CRYBG3: variants seen among roughly 807,000 people sequenced by gnomAD.
CRYBG3 encodes the protein crystallin beta-gamma domain containing 3.
A neutral mutation model predicts 244.2 loss-of-function variants in CRYBG3; 127 were observed. The observed-to-expected ratio is 0.52, with a 90% CI of 0.45 to 0.60. The LOEUF is 0.60. Among genes scored for constraint, CRYBG3 ranks in the 20% least tolerant of loss-of-function variants. The pLI, the probability that CRYBG3 is intolerant of heterozygous loss-of-function variation, is 0.00. For synonymous variants in CRYBG3, 1,132 were observed against 1,195.8 expected, an observed-to-expected ratio of 0.95 and a Z score of 1.10; for missense variants, 3,325 against 3,442.5, an observed-to-expected ratio of 0.97 and a Z score of 0.85.
rs145451546 is a variant in CRYBG3 at position 97,856,790 on chromosome 3, G to T, written c.217-7427G>T. ...CCTTTTTCAATTCTGATTTTACTTGGGTCTTTTCTTTTTTCTTAGTCTGAC... is the reference window on the plus strand; with the variant it reads ...CCTTTTTCAATTCTGATTTTACTTGTGTCTTTTCTTTTTTCTTAGTCTGAC... On this transcript the variant is annotated intron_variant, in intron 2 of 21. Transcript: ENST00000389622. Among the ~76,000 whole-genome samples, 9 of 151,296 alleles carry T rather than the reference G, an allele frequency of 5.9e-5. 1 individual carries two copies. Among genetic ancestry groups the T allele is most frequent in the African/African-American group, 2.2e-4 (9 of 41,260 alleles).
Position 97,899,191 on chromosome 3 carries a change from A to C in CRYBG3, c.7899A>C (p.Lys2633Asn), listed in dbSNP as rs757148490. ...FFCGEQYILEKGKYKCFFDWG... is the reference protein window; with the variant it reads ...FFCGEQYILENGKYKCFFDWG... ...GTGGAGAACAATACATTTTAGAAAA[A>C]GGGAAATACAAATGCTTTTTTGACT... Residue 2633 changes from lysine to asparagine, a missense_variant, in exon 14 of 22, where the codon AAA (lysine) becomes AAC (asparagine). By Grantham distance (94) the Lys-to-Asn change is moderately conservative. Around this residue, in one of 4 missense-constraint regions of CRYBG3, gnomAD observed 714 missense variants for 803.6 expected, o/e 0.89. Transcript: ENST00000389622. The C allele has an allele frequency of 6.2e-7, 1 of 1,613,768 alleles. No individual in the cohort carries two copies. The highest frequency in any genetic ancestry group is 1.7e-5 in the Admixed American group (1 of 59,986).
At chr3:97,887,589 T>TA (rs1222609915) in intron 8 of CRYBG3, among the ~76,000 whole-genome samples, 2 of 151,862 alleles carry the variant, frequency 1.3e-5, no homozygotes, top group Admixed American at 6.6e-5. Context: ...CCATCTCTAC[T>TA]AAAAAAATAC....
intron 8 of CRYBG3, among the ~76,000 whole-genome samples, chr3:97,887,857 A>C (rs2039527631): frequency 6.6e-6 from 1 of 152,226 alleles, no homozygotes; most frequent in South Asian, 2.1e-4. Context: ...CTTAGCTGGA[A>C]GATGGGTCTT....
At chr3:97,889,465 T>A in intron 10 of CRYBG3, 75 bp downstream of exon 10, 1 of 1,276,824 alleles carries the variant, frequency 7.8e-7, no homozygotes, top group Non-Finnish European at 1.1e-6. Context: ...TTTTGAAACA[T>A]TGGAATAAAA....
rs2039310377 is a variant in CRYBG3 at position 97,872,033 on chromosome 3, T to C, written c.839T>C (p.Leu280Pro). The C allele has an allele frequency of 6.5e-7, 1 of 1,535,744 alleles. No individual in the cohort carries two copies. The highest frequency in any genetic ancestry group is 2.4e-5 in the East Asian group (1 of 40,916). The change falls in exon 4 of 22, where the codon CTG (leucine) becomes CCG (proline). Residue 280 changes from leucine to proline, a missense_variant. Transcript: ENST00000389622. The part of the protein sequence containing the change: ...DPGSEIEAGV[L>P]PLLLSASTDS... ...GGAAGTGAGATTGAGGCTGGGGTAC[T>C]GCCACTGTTGTTATCAGCTAGTACA...
intron 15 of CRYBG3, among the ~76,000 whole-genome samples, chr3:97,904,083 T>C (rs1575953033): frequency 6.6e-6 from 1 of 152,266 alleles, no homozygotes; most frequent in East Asian, 1.9e-4. Context: ...ATCCAGCTAG[T>C]TTTTCCAAGG....
rs188564410 is a variant in CRYBG3 at position 97,823,021 on chromosome 3, T to C, written c.149+666T>C. Among the ~76,000 whole-genome samples the C allele has an allele frequency of 1.7e-4, 26 of 152,368 alleles. No homozygotes were observed. The East Asian group carries it at 4.8e-3, about 28-fold the overall frequency. The stretch of plus-strand genomic sequence containing the variant: ...CTCTCCTAGAAACATCTGCCTCAAG[T>C]TCCCAAACAGATTCTGGAAATCAGG... On this transcript the variant is annotated intron_variant, in intron 1 of 21. Transcript: ENST00000389622.
intron 3 of CRYBG3, chr3:97,867,246 T>A (rs1487802308): frequency 6.6e-6 from 1 of 152,152 alleles, no homozygotes; most frequent in Non-Finnish European, 1.5e-5. Flanking sequence ...ATTTACTACT[T>A]TAAAAAGGTT....
chr3:97,853,072 C>A (rs1052178871), intron 2 of CRYBG3, among the ~76,000 whole-genome samples: 1 of 152,000 alleles, frequency 6.6e-6, no homozygotes, highest in Non-Finnish European at 1.5e-5. Context: ...TGGATAAGTA[C>A]TTTAGTGGTG....
intron 2 of CRYBG3, among the ~76,000 whole-genome samples, chr3:97,848,706 A>G (rs1389911684): frequency 6.6e-6 from 1 of 152,236 alleles, no homozygotes; most frequent in African/African-American, 2.4e-5. Context: ...GACTACAGAC[A>G]GGCATACACC....
rs553204854 is a variant in CRYBG3 at position 97,912,101 on chromosome 3, T to C, written c.8005-66T>C. The C allele has an allele frequency of 3.0e-5, 22 of 733,090 alleles. No homozygotes were observed. The African/African-American group carries it at 3.7e-4, about 12-fold the overall frequency. 45.4% of individuals were successfully genotyped at this position (733,090 alleles called of 1,614,324 possible). ...TATAAATTCATGAAATTAAAGGTTTTTATTTGCTCGTGATCATCTAAGACC... is the reference window on the plus strand; with the variant it reads ...TATAAATTCATGAAATTAAAGGTTTCTATTTGCTCGTGATCATCTAAGACC... On this transcript the variant is annotated intron_variant, in intron 15 of 21. Transcript: ENST00000389622.
rs1290710708 is a variant in CRYBG3 at position 97,876,852 on chromosome 3, C to T, written c.5658C>T (p.Ala1886=). 1.5e-6 allele frequency: 2 copies of T among 1,377,124 alleles called. No individual in the cohort carries two copies. The highest frequency in any genetic ancestry group is 1.9e-6 in the Non-Finnish European group (2 of 1,066,954). The allele number at this position is 1,377,124 out of a possible 1,614,324, so 85.3% of individuals were successfully genotyped here. Residue 1886 remains alanine, a synonymous_variant, in exon 4 of 22, where the codon GCC becomes GCT. Transcript: ENST00000389622. ...GLELTTKQGE[A]MLPAFESKTP... is the part of the protein sequence containing the mutation. ...AATTGACCACTAAACAAGGGGAGGC[C>T]ATGCTTCCTGCATTTGAAAGTAAAA...
chr3:97,826,081 G>C (rs1364176704), intron 1 of CRYBG3, among the ~76,000 whole-genome samples: 1 of 152,162 alleles, frequency 6.6e-6, no homozygotes, highest in Non-Finnish European at 1.5e-5. Flanking sequence ...GTCTTTAGGG[G>C]TGTGTAATTT....
rs1306092702 is a variant in CRYBG3 at position 97,874,586 on chromosome 3, T to G, written c.3392T>G (p.Ile1131Ser). The change falls in exon 4 of 22, where the codon ATT (isoleucine) becomes AGT (serine). Residue 1131 changes from isoleucine to serine, a missense_variant. Around this residue, in one of 4 missense-constraint regions of CRYBG3, gnomAD observed 1,526 missense variants for 1,443.2 expected, o/e 1.06. Transcript: ENST00000389622. The stretch of plus-strand genomic sequence containing the variant: ...ACCCCATTTCAGGAACATTTTGGGA[T>G]TTATACTGGGAAGATATCCATTGAT... The part of the protein sequence containing the change: ...EVTPFQEHFG[I>S]YTGKISIDFP... 2 of 1,535,984 alleles carry G rather than the reference T, an allele frequency of 1.3e-6. No homozygotes were observed. Among genetic ancestry groups the G allele is most frequent in the Admixed American group, 2.0e-5 (1 of 50,986 alleles).
At position 97,941,041 on chromosome 3, in the gene CRYBG3, T is replaced by A. The variant is rs547187766; in HGVS notation, c.8506-107T>A. The A allele has an allele frequency of 1.1e-5, 9 of 830,258 alleles. No individual in the cohort carries two copies. The South Asian group carries it at 1.4e-4, about 13-fold the overall frequency. 51.4% of individuals were successfully genotyped at this position (830,258 alleles called of 1,614,324 possible). The stretch of plus-strand genomic sequence containing the variant: ...AAAGGGAATAAGAGTGAAACTGATA[T>A]AACTAAGATAGTTACCTCTCACTTT... On this transcript the variant is annotated intron_variant, in intron 19 of 21. Transcript: ENST00000389622.
In CRYBG3 at chr3:97,874,086, T is replaced by TTG; in HGVS notation, c.2898_2899dup (p.Phe967CysfsTer25). The stretch of plus-strand genomic sequence containing the variant: ...TGGCGCAGAATTGTGAAGCTCACAC[T>TTG]TGTGTGTTTCATCAATCTTTGGATA... On this transcript the variant is annotated frameshift_variant, in exon 4 of 22. Coordinates refer to ENST00000389622, the MANE Select transcript of CRYBG3 (RefSeq NM_153605.4). LOFTEE classifies it high-confidence loss of function. 6.5e-7 allele frequency: 1 copy of TTG among 1,535,882 alleles called. No homozygotes were observed. Among genetic ancestry groups the TTG allele is most frequent in the Non-Finnish European group, 8.7e-7 (1 of 1,146,804 alleles).
chr3:97,938,527 T>G (rs998989728), intron 19 of CRYBG3, among the ~76,000 whole-genome samples: 1 of 151,752 alleles, frequency 6.6e-6, no homozygotes, highest in African/African-American at 2.4e-5. Flanking sequence ...TCTCACCCTC[T>G]TCACATGCAC....
chr3:97,882,616 T>C (rs4857297), intron 7 of CRYBG3, among the ~76,000 whole-genome samples: 26,495 of 152,034 alleles, frequency 0.17, 2,915 homozygotes, highest in East Asian at 0.36. Flanking sequence ...TCATAATATG[T>C]GATACAGTAC....
At chr3:97,920,561 G>T (rs1284947389) in intron 17 of CRYBG3, among the ~76,000 whole-genome samples, 1 of 151,330 alleles carries the variant, frequency 6.6e-6, no homozygotes, top group Non-Finnish European at 1.5e-5. Context: ...ATAGAGTCTG[G>T]CTCTGTCACC....
Sources: allele counts gnomAD v4.1 joint callset (sites outside exome capture counted in the v4.1 genomes callset), GRCh38; gene constraint gnomAD v4.1.1; regional missense constraint gnomAD v4.1.1; transcripts MANE v1.5; gene names NCBI Gene and HGNC (gene_info 2026-07-23, HGNC 2026-07-21).